NECTIN2: variants seen among roughly 807,000 people sequenced by gnomAD.
NECTIN2 encodes nectin cell adhesion molecule 2.
A neutral mutation model predicts 56.9 loss-of-function variants in NECTIN2; 23 were observed. That is an observed-to-expected ratio of 0.40 (90% CI 0.29 to 0.57). NECTIN2 has a LOEUF of 0.57. NECTIN2 is among the 20% of genes least tolerant of loss of function. The pLI is 0.38. For missense variants in NECTIN2, 587 were observed against 718.3 expected (o/e 0.82, Z 2.09); for synonymous variants, 302 against 313.8 (o/e 0.96, Z 0.40).
intron 2 of NECTIN2, among the ~76,000 whole-genome samples, chr19:44,866,042 C>T (rs1023641135): frequency 3.3e-5 from 5 of 151,926 alleles, no homozygotes; most frequent in Admixed American, 1.3e-4. Context: ...TGTGGTGGCC[C>T]GTGCCTATAA....
intron 6 of NECTIN2, among the ~76,000 whole-genome samples, chr19:44,882,723 G>A (rs1241927857): frequency 1.4e-5 from 2 of 139,372 alleles, no homozygotes; most frequent in Admixed American, 7.3e-5. Flanking sequence ...AAATGGCCAC[G>A]CAGGGTGGCT....
At chr19:44,877,558 G>A (rs1304335735) in intron 5 of NECTIN2, among the ~76,000 whole-genome samples, 1 of 152,194 alleles carries the variant, frequency 6.6e-6, no homozygotes, top group Non-Finnish European at 1.5e-5. Flanking sequence ...AGGCAGCCAC[G>A]GCACTTGGAA....
chr19:44,882,679 A>G (rs1415670366), intron 6 of NECTIN2, among the ~76,000 whole-genome samples: 1 of 89,756 alleles, frequency 1.1e-5, no homozygotes, highest in African/African-American at 4.5e-5. Flanking sequence ...TAGGAAGACT[A>G]CCCCCATCTA....
intron 1 of NECTIN2, among the ~76,000 whole-genome samples, chr19:44,862,559 C>T (rs1007827892): frequency 1.5e-4 from 22 of 151,496 alleles, no homozygotes; most frequent in Admixed American, 9.2e-4. Context: ...TGCACCAACA[C>T]GGATGGAACT....
chr19:44,881,229 G>A (rs766393394), intron 5 of NECTIN2, among the ~76,000 whole-genome samples: 7 of 152,064 alleles, frequency 4.6e-5, no homozygotes, highest in Non-Finnish European at 1.0e-4. Flanking sequence ...CCTGATAAGT[G>A]GAAGGAGATT....
Position 44,874,559 on chromosome 19 carries a change from T to TG in NECTIN2, c.1042+86dup. The TG allele has an allele frequency of 3.2e-6, 5 of 1,554,040 alleles. No individual in the cohort carries two copies. The highest frequency in any genetic ancestry group is 4.4e-6 in the Non-Finnish European group (5 of 1,142,870). The stretch of plus-strand genomic sequence containing the variant: ...TGCCCTTCAGGACTTGGGGCTGCAC[T>TG]GGGGGAGGCTGCGCCGCCGACCTGG... On this transcript the variant is annotated intron_variant, in intron 5 of 8. Coordinates refer to ENST00000252483, the MANE Select transcript of NECTIN2 (RefSeq NM_001042724.2). This position sits in a 1 kb window ranked among gnomAD's most constrained non-coding sequence, Gnocchi z 6.3.
intron 1 of NECTIN2, among the ~76,000 whole-genome samples, chr19:44,857,525 C>G (rs1057401058): frequency 6.9e-6 from 1 of 145,386 alleles, no homozygotes; most frequent in South Asian, 2.3e-4. Flanking sequence ...CCTCAGCCCC[C>G]CTAGCAGCTA....
At chr19:44,864,012 TC>T (rs1555786362) in intron 1 of NECTIN2, among the ~76,000 whole-genome samples, 118 of 146,618 alleles carry the variant, frequency 8.0e-4, no homozygotes, top group African/African-American at 1.2e-3. Context: ...TTCAGAGGAT[TC>T]CCCCCCCCCA....
At position 44,888,090 on chromosome 19, in the gene NECTIN2, T is replaced by C; in HGVS notation, c.1348-20T>C. On this transcript the variant is annotated intron_variant, in intron 8 of 8. Transcript: ENST00000252483. ...TGCGTAGGAAGTGATCTTGAGTTCC[T>C]GTCCTCTCTCTACCTCCAGGAAATG... The C allele has an allele frequency of 6.2e-7, 1 of 1,604,696 alleles. No individual in the cohort carries two copies. The highest frequency in any genetic ancestry group is 8.5e-7 in the Non-Finnish European group (1 of 1,172,984).
intron 6 of NECTIN2, 60 bp downstream of exon 6, chr19:44,882,424 G>A (rs1337846741): frequency 8.5e-6 from 11 of 1,293,724 alleles, no homozygotes; most frequent in South Asian, 2.4e-5. Context: ...GGAGTATGGG[G>A]TAGGGGTGAG....
intron 1 of NECTIN2, among the ~76,000 whole-genome samples, chr19:44,858,125 G>A (rs139127126): frequency 6.6e-6 from 1 of 152,054 alleles, no homozygotes; most frequent in African/African-American, 2.4e-5. Flanking sequence ...GATACATTTC[G>A]CATAGCTCAG....
chr19:44,879,781 C>A (rs1484012854), intron 5 of NECTIN2, among the ~76,000 whole-genome samples: 1 of 152,192 alleles, frequency 6.6e-6, no homozygotes. Flanking sequence ...TGTCGTGGGA[C>A]CCAGTAAGGA....
chr19:44,864,254 G>C (rs1322400978), intron 1 of NECTIN2, among the ~76,000 whole-genome samples: 1 of 152,104 alleles, frequency 6.6e-6, no homozygotes, highest in East Asian at 1.9e-4. Context: ...GGAGGTCAAG[G>C]CTGCAGTGAG....
Position 44,878,579 on chromosome 19 carries a change from C to A in NECTIN2, c.1043-3632C>A, listed in dbSNP as rs76914433. On this transcript the variant is annotated intron_variant, in intron 5 of 8. Coordinates refer to ENST00000252483, the MANE Select transcript of NECTIN2 (RefSeq NM_001042724.2). ...ACTCGAGGATGACATGGAGTCCCAG[C>A]TGGACGGCTCCCTCATCTCACGGCG... 3.4e-4 allele frequency: 546 copies of A among 1,611,516 alleles called. 4 individuals carry two copies. The East Asian group carries it at 0.012, about 35-fold the overall frequency.
chr19:44,872,031 C>T lies in NECTIN2; in HGVS notation c.657C>T (p.Val219=). ...GGACCCTGGCCGGAACTGTCACTGT[C>T]ACCAGCCGCTTCACCTTGGTGCCCT... is the stretch of plus-strand genomic sequence containing the variant. ...VSGTLAGTVT[V]TSRFTLVPSG... The change falls in exon 3 of 9, where the codon GTC becomes GTT. Residue 219 remains valine, a synonymous_variant. Transcript: ENST00000252483. The T allele has an allele frequency of 6.2e-7, 1 of 1,614,200 alleles. No homozygotes were observed.
Position 44,888,362 on chromosome 19 carries a change from C to CG in NECTIN2, c.1603dup (p.Ala535GlyfsTer18), listed in dbSNP as rs1568602152. On this transcript the variant is annotated frameshift_variant, in exon 9 of 9. Transcript: ENST00000252483. LOFTEE classifies it high-confidence loss of function. Reference sequence around the variant, plus strand: ...CCAGGGCAAAGGCTTTGTCATGTCCCGGGCCATGTATGTGTGAGCTGCCAT... The same window carrying CG: ...CCAGGGCAAAGGCTTTGTCATGTCCCGGGGCCATGTATGTGTGAGCTGCCAT... 1.9e-6 allele frequency: 3 copies of CG among 1,612,446 alleles called. No individual in the cohort carries two copies. Among genetic ancestry groups the CG allele is most frequent in the South Asian group, 1.1e-5 (1 of 91,060 alleles).
chr19:44,869,592 CAAA>C (rs774822564), intron 2 of NECTIN2, among the ~76,000 whole-genome samples: 2 of 53,768 alleles, frequency 3.7e-5, no homozygotes. Context: ...GACTCCATCT[CAAA>C]AAAAAAAAAA....
Position 44,865,130 on chromosome 19 carries a change from T to A in NECTIN2, c.89-141T>A. The stretch of plus-strand genomic sequence containing the variant: ...AAATGTCTTTTCCAGGTGGCTTTTT[T>A]GGAATCAGGATGCTGCGAAGCTGCC... On this transcript the variant is annotated intron_variant, in intron 1 of 8. Coordinates refer to ENST00000252483, the MANE Select transcript of NECTIN2 (RefSeq NM_001042724.2). The surrounding 1 kb of genome is among the most constrained non-coding windows in gnomAD (Gnocchi z 5.2). The A allele has an allele frequency of 1.1e-6, 1 of 885,654 alleles. No homozygotes were observed. Among genetic ancestry groups the A allele is most frequent in the Non-Finnish European group, 1.7e-6 (1 of 583,920 alleles). The allele number at this position is 885,654 out of a possible 1,614,324, so 54.9% of individuals were successfully genotyped here.
intron 1 of NECTIN2, among the ~76,000 whole-genome samples, chr19:44,858,585 A>G (rs2122644802): frequency 6.6e-6 from 1 of 151,932 alleles, no homozygotes; most frequent in Middle Eastern, 3.4e-3. Flanking sequence ...CGGCCTCCCA[A>G]AGTGCTGGGA....
Sources: allele counts gnomAD v4.1 joint callset (sites outside exome capture counted in the v4.1 genomes callset), GRCh38; gene constraint gnomAD v4.1.1; non-coding constraint Gnocchi (gnomAD v3.1); transcripts MANE v1.5; gene names NCBI Gene and HGNC (gene_info 2026-07-23, HGNC 2026-07-21).